Variants in ZNF469 observed in about 807,000 individuals in gnomAD.
ZNF469 encodes zinc finger protein 469.
Under a neutral mutation model 1.0 loss-of-function variants are expected in ZNF469, and 1 was observed. The observed-to-expected ratio is 1.00, with a 90% CI of 0.35 to 4.73. The LOEUF (loss-of-function observed/expected upper bound fraction) is 4.73, where lower values mean the gene tolerates loss of function less well. Among genes scored for constraint, ZNF469 ranks in the 30% most tolerant of loss-of-function variants. ZNF469 has a pLI of 0.16. For synonymous variants in ZNF469, 2,703 were observed against 2,363.4 expected, an observed-to-expected ratio of 1.14 and a Z score of -4.17; for missense variants, 6,100 against 5,356.3, an observed-to-expected ratio of 1.14 and a Z score of -4.33.
intron 1 of ZNF469, among the ~76,000 whole-genome samples, chr16:88,407,140 G>C (rs1023152976): frequency 6.6e-6 from 1 of 150,584 alleles, no homozygotes; most frequent in African/African-American, 2.5e-5. Flanking sequence ...GTGTGTGCCC[G>C]GCGCTCTGTG....
chr16:88,265,943 A>G, the ZNF469 span, among the ~76,000 whole-genome samples: 1 of 152,228 alleles, frequency 6.6e-6, no homozygotes, highest in Non-Finnish European at 1.5e-5. Context: ...ACAGAGGCCC[A>G]GAGGGGGTGG....
rs529816744 is a variant in ZNF469, at chr16:88,415,466, G to T, written c.-191-9341G>T. On this transcript the variant is annotated intron_variant, in intron 1 of 2. Coordinates refer to ENST00000565624, the MANE Select transcript of ZNF469 (RefSeq NM_001367624.2). ...AACCCAGGGGCCTGTGCTGCGGGGG[G>T]CAGTGCTGTGCCCATTTTACAGCTG... Among the ~76,000 whole-genome samples, 3 of 152,368 alleles carry T rather than the reference G, an allele frequency of 2.0e-5. No individual in the cohort carries two copies. The East Asian group carries it at 5.8e-4, about 29-fold the overall frequency.
At chr16:88,391,258 C>A (rs879474261) in intron 1 of ZNF469, among the ~76,000 whole-genome samples, 1 of 152,214 alleles carries the variant, frequency 6.6e-6, no homozygotes, top group Non-Finnish European at 1.5e-5. Flanking sequence ...GTGCCAGCAC[C>A]CCGTGGAGAA....
intron 1 of ZNF469, among the ~76,000 whole-genome samples, chr16:88,390,863 C>T (rs577849497): frequency 3.9e-5 from 6 of 152,324 alleles, no homozygotes; most frequent in South Asian, 4.1e-4. Context: ...AGGACATCCC[C>T]AGCAAAGGAA....
At chr16:88,324,010 G>T in the ZNF469 span, among the ~76,000 whole-genome samples, 3 of 152,236 alleles carry the variant, frequency 2.0e-5, no homozygotes, top group African/African-American at 7.2e-5. Flanking sequence ...ATCAATGGTT[G>T]TCAGGGCCTG....
At chr16:88,380,528 A>ACAGACATGCAC (rs1567495460), upstream of ZNF469, among the ~76,000 whole-genome samples, 980 of 70,524 alleles carry the variant, frequency 0.014, 11 homozygotes, top group Non-Finnish European at 0.021. Flanking sequence ...CACACGCACT[A>ACAGACATGCAC]ACACACACGC....
the ZNF469 span, among the ~76,000 whole-genome samples, chr16:88,346,087 C>T: frequency 1.3e-5 from 2 of 152,258 alleles, no homozygotes; most frequent in East Asian, 1.9e-4. Context: ...CTGAACTTCA[C>T]AGCCGAGAGC....
the ZNF469 span, among the ~76,000 whole-genome samples, chr16:88,132,761 G>A: frequency 6.6e-6 from 1 of 152,232 alleles, no homozygotes; most frequent in East Asian, 1.9e-4. Context: ...TCCTGGGGCA[G>A]TGGCCCTCTG....
At chr16:88,105,625 C>T in the ZNF469 span, among the ~76,000 whole-genome samples, 9 of 152,148 alleles carry the variant, frequency 5.9e-5, no homozygotes, top group Non-Finnish European at 1.3e-4. Context: ...TTTCAAAGGG[C>T]CCAGGGGGAC....
At chr16:88,330,757 G>C in the ZNF469 span, among the ~76,000 whole-genome samples, 1 of 152,190 alleles carries the variant, frequency 6.6e-6, no homozygotes, top group African/African-American at 2.4e-5. Flanking sequence ...TGCACACTGA[G>C]TGACAGGCCA....
the ZNF469 span, among the ~76,000 whole-genome samples, chr16:88,232,471 A>G: frequency 2.6e-5 from 4 of 151,028 alleles, no homozygotes; most frequent in Non-Finnish European, 5.9e-5. Context: ...GGCACTGGCC[A>G]CTGCAATCTC....
At position 88,437,872 on chromosome 16, in the gene ZNF469, G is replaced by A. The variant is rs1245053324; in HGVS notation, c.10402G>A (p.Gly3468Ser). 2 of 1,539,488 alleles carry A rather than the reference G, an allele frequency of 1.3e-6. No homozygotes were observed. The highest frequency in any genetic ancestry group is 2.5e-5 in the East Asian group (1 of 40,588). Residue 3468 changes from glycine (G) to serine (S), a missense_variant, in exon 3 of 3, where the codon GGC becomes AGC. Gly to Ser is a moderately conservative substitution (Grantham distance 56). Coordinates refer to ENST00000565624, the MANE Select transcript of ZNF469 (RefSeq NM_001367624.2). ...GGGACAGAAGGCCCGGGCCCTCGAGGGCACACTGCCCAGCAAACGGCGCAG... is the reference window on the plus strand; with the variant it reads ...GGGACAGAAGGCCCGGGCCCTCGAGAGCACACTGCCCAGCAAACGGCGCAG... The part of the protein sequence containing the change: ...APGQKARALE[G>S]TLPSKRRRVA...
intron 1 of ZNF469, among the ~76,000 whole-genome samples, chr16:88,391,425 A>G (rs4075964): frequency 0.68 from 103,342 of 152,264 alleles, 35,717 homozygotes; most frequent in African/African-American, 0.8. Flanking sequence ...GATCCTGGGC[A>G]AAGCCCTGGG....
chr16:88,136,209 G>C, the ZNF469 span, among the ~76,000 whole-genome samples: 1 of 152,182 alleles, frequency 6.6e-6, no homozygotes, highest in African/African-American at 2.4e-5. Context: ...CCTCTGCGTG[G>C]GGGAGGCTGT....
chr16:88,341,096 T>C, the ZNF469 span, among the ~76,000 whole-genome samples: 245 of 152,300 alleles, frequency 1.6e-3, 1 homozygote, highest in Non-Finnish European at 2.6e-3. Context: ...GAAGGTCCAG[T>C]AGCAAATCTC....
the ZNF469 span, among the ~76,000 whole-genome samples, chr16:88,240,295 G>C: frequency 6.6e-6 from 1 of 152,334 alleles, no homozygotes; most frequent in South Asian, 2.1e-4. Context: ...GGAGGAGTGG[G>C]AGGAAGTCCA....
intron 1 of ZNF469, among the ~76,000 whole-genome samples, chr16:88,412,515 C>A (rs1469333022): frequency 1.3e-5 from 2 of 152,284 alleles, no homozygotes; most frequent in African/African-American, 4.8e-5. Context: ...GTTCCAGAAA[C>A]CCTTGACCTT....
At chr16:88,366,177 C>G in the ZNF469 span, among the ~76,000 whole-genome samples, 1 of 150,938 alleles carries the variant, frequency 6.6e-6, no homozygotes, top group Non-Finnish European at 1.5e-5. Context: ...TCACCACGAT[C>G]ATCATCACTA....
chr16:88,264,232 C>G, the ZNF469 span, among the ~76,000 whole-genome samples: 3 of 152,208 alleles, frequency 2.0e-5, no homozygotes, highest in South Asian at 6.2e-4. Flanking sequence ...CCTTCCTCCT[C>G]CCACACCGAA....
Sources: gnomAD v4.1 joint callset for allele counts (sites outside exome capture counted in the v4.1 genomes callset) on GRCh38, gnomAD v4.1.1 for gene constraint, MANE v1.5 for transcripts, NCBI Gene and HGNC (gene_info 2026-07-23, HGNC 2026-07-21) for gene names.